Variants in TAC3 observed in about 807,000 individuals in gnomAD.
TAC3 encodes the protein tachykinin precursor 3.
In TAC3, 9 loss-of-function variants were observed where a neutral mutation model predicts 16.5. The observed-to-expected ratio is 0.55, with a 90% CI of 0.33 to 0.95. TAC3 has a LOEUF of 0.95. Ranked by LOEUF, TAC3 falls within the 40% of genes least tolerant of loss-of-function variation. The pLI is 0.03. For missense variants in TAC3, 129 were observed against 149.1 expected (o/e 0.87, Z 0.70); for synonymous variants, 52 against 56.7 (o/e 0.92, Z 0.37).
chr12:57,012,187 G>A (rs936858868), intron 6 of TAC3, 191 bp downstream of exon 6: 33 of 605,282 alleles, frequency 5.5e-5, no homozygotes, highest in Non-Finnish European at 8.4e-5. Context: ...GATGAAAGAC[G>A]GGGGATGTGT....
chr12:57,012,390 T>C lies in TAC3; in HGVS notation c.355A>G (p.Arg119Gly), dbSNP rs1396528132. Reference sequence around the variant, plus strand: ...GAACAATCCTTACCCTATTCTGCTCTCGGGGGATACTTGAGGATGCCAAAG... The same window carrying C: ...GAACAATCCTTACCCTATTCTGCTCCCGGGGGATACTTGAGGATGCCAAAG... ...PSFGILKYPP[R>G]AE is the part of the protein sequence containing the mutation. The change falls in exon 6 of 7, where the codon AGA becomes GGA. Residue 119 changes from arginine to glycine, a missense_variant. By Grantham distance (125) the Arg-to-Gly change is moderately radical. Coordinates refer to ENST00000458521, the MANE Select transcript of TAC3 (RefSeq NM_013251.4). 6.2e-7 allele frequency: 1 copy of C among 1,613,094 alleles called. No individual in the cohort carries two copies. The highest frequency in any genetic ancestry group is 8.5e-7 in the Non-Finnish European group (1 of 1,179,608).
chr12:57,012,155 C>G (rs1329435430), intron 6 of TAC3: 1 of 566,402 alleles, frequency 1.8e-6, no homozygotes, highest in African/African-American at 1.9e-5. Context: ...AGTCAGCTGC[C>G]GTCCATGATC....
intron 5 of TAC3, 70 bp downstream of exon 5, chr12:57,012,752 G>A (rs369860724): frequency 1.9e-6 from 3 of 1,613,872 alleles, no homozygotes; most frequent in East Asian, 2.2e-5. Context: ...TGACAAATAT[G>A]AGGCACGTGA....
chr12:57,014,243 T>TA (rs1228321506), intron 2 of TAC3, among the ~76,000 whole-genome samples: 1 of 151,944 alleles, frequency 6.6e-6, no homozygotes, highest in African/African-American at 2.4e-5. Context: ...TTTTTTTTTT[T>TA]AGCAACTTGC....
At chr12:57,016,143 G>A (rs1009391660) in intron 1 of TAC3, among the ~76,000 whole-genome samples, 2 of 152,138 alleles carry the variant, frequency 1.3e-5, no homozygotes, top group East Asian at 3.8e-4. Flanking sequence ...AGGGATCCTG[G>A]ATGCTATTTT....
rs1169411986 is a variant in TAC3 at position 57,015,758 on chromosome 12, T to C, written c.40A>G (p.Ser14Gly). 7.4e-6 allele frequency: 12 copies of C among 1,614,188 alleles called. No homozygotes were observed. Among genetic ancestry groups the C allele is most frequent in the Non-Finnish European group, 1.0e-5 (12 of 1,180,024 alleles). ...ACAGCCCCAAAGCTCTGAGCTAGGC[T>C]GAAGGCCAGGATGGCTGTGAATAGC... ...MLLFTAILAFSLAQSFGAVCK... is the reference protein window; with the variant it reads ...MLLFTAILAFGLAQSFGAVCK... The change falls in exon 2 of 7, where the codon AGC becomes GGC. Residue 14 changes from serine (S) to glycine (G), a missense_variant. Coordinates refer to ENST00000458521, the MANE Select transcript of TAC3 (RefSeq NM_013251.4).
rs367902220 is a variant in TAC3, at chr12:57,013,379, T to C, written c.218A>G (p.Glu73Gly). ...ALSQASTDPKESTSPEKRDMH... is the reference protein window; with the variant it reads ...ALSQASTDPKGSTSPEKRDMH... ...CTTACGTTTCTCGGGAGATGTTGAT[T>C]CCTTAGGATCTGTGAAACCAAGAAC... The change falls in exon 4 of 7, where the codon GAA becomes GGA. Residue 73 changes from glutamate to glycine, a missense_variant. Physicochemically the swap from Glu to Gly is moderately conservative, Grantham distance 98. Transcript: ENST00000458521. 3.7e-6 allele frequency: 6 copies of C among 1,614,038 alleles called. No individual in the cohort carries two copies. In the South Asian group the frequency reaches 6.6e-5, roughly 18 times the overall value.
At chr12:57,014,666 C>T (rs2136420746) in intron 2 of TAC3, among the ~76,000 whole-genome samples, 1 of 151,870 alleles carries the variant, frequency 6.6e-6, no homozygotes, top group African/African-American at 2.4e-5. Flanking sequence ...CTTTGTGGCT[C>T]CAAACGGTGT....
chr12:57,014,009 C>T (rs1310299320), intron 2 of TAC3, among the ~76,000 whole-genome samples: 3 of 152,234 alleles, frequency 2.0e-5, no homozygotes, highest in Admixed American at 1.3e-4. Context: ...TTCCCCCACT[C>T]TGCACGATGT....
Position 57,013,370 on chromosome 12 carries a change from G to T in TAC3, c.227C>A (p.Ser76Tyr), listed in dbSNP as rs1284032752. The change falls in exon 4 of 7, where the codon TCT becomes TAT. Residue 76 changes from serine (S) to tyrosine (Y), a missense_variant. Physicochemically the swap from Ser to Tyr is moderately radical, Grantham distance 144. Transcript: ENST00000458521. Reference sequence around the variant, plus strand: ...AAGAGGGTACTTACGTTTCTCGGGAGATGTTGATTCCTTAGGATCTGTGAA... The same window carrying T: ...AAGAGGGTACTTACGTTTCTCGGGATATGTTGATTCCTTAGGATCTGTGAA... ...QASTDPKESTSPEKRDMHDFF... is the reference protein window; with the variant it reads ...QASTDPKESTYPEKRDMHDFF... 6.2e-7 allele frequency: 1 copy of T among 1,614,104 alleles called. No individual in the cohort carries two copies.
chr12:57,010,272 A>G lies in TAC3; in HGVS notation c.*18T>C, dbSNP rs1172105211. 2.2e-6 allele frequency: 1 copy of G among 449,280 alleles called. No homozygotes were observed. Among genetic ancestry groups the G allele is most frequent in the Admixed American group, 2.4e-5 (1 of 42,226 alleles). The allele number at this position is 449,280 out of a possible 1,614,324, so 27.8% of individuals were successfully genotyped here. Reference sequence around the variant, plus strand: ...AGAGGTCTTCCTAATGCAGTCCAGGAGTCCGGAAGTGGAGTACTGAGGACA... The same window carrying G: ...AGAGGTCTTCCTAATGCAGTCCAGGGGTCCGGAAGTGGAGTACTGAGGACA... On this transcript the variant is annotated 3_prime_UTR_variant, in exon 7 of 7. Coordinates refer to ENST00000458521, the MANE Select transcript of TAC3 (RefSeq NM_013251.4).
chr12:57,011,143 C>G (rs1421328308), intron 6 of TAC3, among the ~76,000 whole-genome samples: 1 of 152,178 alleles, frequency 6.6e-6, no homozygotes, highest in Non-Finnish European at 1.5e-5. Flanking sequence ...CAGCAAGTTA[C>G]AGTTATTATA....
chr12:57,010,798 G>T (rs1278273770), intron 6 of TAC3: 1 of 152,216 alleles, frequency 6.6e-6, no homozygotes, highest in Non-Finnish European at 1.5e-5. Context: ...TTAAATGCCA[G>T]CTCCCAGAAA....
chr12:57,011,340 C>G (rs768354252), intron 6 of TAC3, among the ~76,000 whole-genome samples: 1 of 152,200 alleles, frequency 6.6e-6, no homozygotes, highest in Non-Finnish European at 1.5e-5. Context: ...TGATTACGAG[C>G]CTTCCCAATC....
At chr12:57,015,244 A>G (rs1188590256) in intron 2 of TAC3, among the ~76,000 whole-genome samples, 2 of 152,210 alleles carry the variant, frequency 1.3e-5, no homozygotes, top group African/African-American at 4.8e-5. Flanking sequence ...AAAACAATAC[A>G]CATAACTGAT....
At chr12:57,015,042 G>T (rs1021591266) in intron 2 of TAC3, among the ~76,000 whole-genome samples, 1 of 151,828 alleles carries the variant, frequency 6.6e-6, no homozygotes, top group Admixed American at 6.6e-5. Flanking sequence ...ATTCTTTTTC[G>T]TAAAGGAACT....
intron 4 of TAC3, chr12:57,013,079 G>A: frequency 1.3e-6 from 1 of 776,422 alleles, no homozygotes; most frequent in Admixed American, 2.2e-5. Flanking sequence ...AGAATTTTCT[G>A]CTCTAGCAGG....
intron 6 of TAC3, 123 bp downstream of exon 6, chr12:57,012,255 G>T: frequency 1.1e-6 from 1 of 885,336 alleles, no homozygotes; most frequent in Non-Finnish European, 1.8e-6. Flanking sequence ...CTGGGCATTG[G>T]CAGTGTATTT....
intron 5 of TAC3, 67 bp downstream of exon 5, chr12:57,012,755 G>A (rs547255682): frequency 5.0e-6 from 8 of 1,613,684 alleles, no homozygotes; most frequent in East Asian, 4.5e-5. Context: ...CAAATATGAG[G>A]CACGTGACTT....
Sources: gnomAD v4.1 joint callset for allele counts (sites outside exome capture counted in the v4.1 genomes callset) on GRCh38, gnomAD v4.1.1 for gene constraint, MANE v1.5 for transcripts, NCBI Gene and HGNC (gene_info 2026-07-23, HGNC 2026-07-21) for gene names.